FHOD3: variants seen among roughly 807,000 people sequenced by gnomAD.
FHOD3 encodes the protein formin homology 2 domain containing 3.
Under a neutral mutation model 173.0 loss-of-function variants are expected in FHOD3, and 90 were observed. The observed-to-expected ratio is 0.52, with a 90% confidence interval of 0.44 to 0.62. FHOD3 has a LOEUF of 0.62. FHOD3 is among the 20% of genes least tolerant of loss of function. The pLI, the probability that FHOD3 is intolerant of heterozygous loss-of-function variation, is 0.00. For synonymous variants in FHOD3, 828 were observed against 823.0 expected (o/e 1.01, Z -0.10); for missense variants, 1,945 against 2,034.7 (o/e 0.96, Z 0.85).
At chr18:36,650,321 A>C (rs2035964473) in intron 11 of FHOD3, among the ~76,000 whole-genome samples, 1 of 152,118 alleles carries the variant, frequency 6.6e-6, no homozygotes, top group African/African-American at 2.4e-5. Flanking sequence ...CTCATCTGCC[A>C]GGCTAGCAGT....
intron 20 of FHOD3, among the ~76,000 whole-genome samples, chr18:36,735,622 C>T (rs2041592426): frequency 6.6e-6 from 1 of 152,120 alleles, no homozygotes; most frequent in Non-Finnish European, 1.5e-5. Context: ...AAAGAAGATA[C>T]TATCAAGATG....
At chr18:36,345,432 T>A (rs1418935302) in intron 1 of FHOD3, among the ~76,000 whole-genome samples, 2 of 152,178 alleles carry the variant, frequency 1.3e-5, no homozygotes, top group Non-Finnish European at 2.9e-5. Context: ...AAAATTATAG[T>A]CTTTTTCATA....
chr18:36,479,782 G>T (rs1165686082), intron 3 of FHOD3, among the ~76,000 whole-genome samples: 2 of 152,084 alleles, frequency 1.3e-5, no homozygotes, highest in Non-Finnish European at 2.9e-5. Context: ...GTGTAAAATG[G>T]ACTGACGAGT....
At chr18:36,345,824 TA>T (rs1258886436) in intron 1 of FHOD3, among the ~76,000 whole-genome samples, 3 of 152,202 alleles carry the variant, frequency 2.0e-5, no homozygotes, top group African/African-American at 7.2e-5. Context: ...AATAGTTCTT[TA>T]AAAAGACATT....
intron 10 of FHOD3, among the ~76,000 whole-genome samples, chr18:36,646,578 A>G (rs1481702422): frequency 6.6e-6 from 1 of 152,252 alleles, no homozygotes; most frequent in Non-Finnish European, 1.5e-5. Flanking sequence ...TGTGAACAAG[A>G]TACTGAAGTG....
chr18:36,425,821 A>G (rs2050211208), intron 3 of FHOD3, among the ~76,000 whole-genome samples: 1 of 152,042 alleles, frequency 6.6e-6, no homozygotes, highest in Admixed American at 6.6e-5. Context: ...ATAGATATAT[A>G]TGTGTACATA....
intron 5 of FHOD3, among the ~76,000 whole-genome samples, chr18:36,550,196 T>C (rs1330671038): frequency 6.7e-6 from 1 of 148,754 alleles, no homozygotes; most frequent in Non-Finnish European, 1.5e-5. Flanking sequence ...TGTATATATA[T>C]GTATATATCA....
intron 5 of FHOD3, among the ~76,000 whole-genome samples, chr18:36,549,172 T>A (rs2057534755): frequency 1.3e-5 from 2 of 152,264 alleles, no homozygotes; most frequent in South Asian, 4.1e-4. Flanking sequence ...GCCTAATGAC[T>A]AATGATGTTG....
chr18:36,376,295 C>T (rs2047438401), intron 3 of FHOD3, among the ~76,000 whole-genome samples: 1 of 152,140 alleles, frequency 6.6e-6, no homozygotes, highest in Non-Finnish European at 1.5e-5. Context: ...TTTTGTTGGG[C>T]TAAAAACCCC....
intron 1 of FHOD3, among the ~76,000 whole-genome samples, chr18:36,341,100 G>T (rs1215210652): frequency 5.3e-5 from 8 of 152,060 alleles, no homozygotes; most frequent in Non-Finnish European, 1.2e-4. Flanking sequence ...GTCAATCTTA[G>T]GCAAGTTATT....
At chr18:36,555,191 A>G (rs1254843174) in intron 5 of FHOD3, among the ~76,000 whole-genome samples, 1 of 152,096 alleles carries the variant, frequency 6.6e-6, no homozygotes, top group Non-Finnish European at 1.5e-5. Flanking sequence ...CCTTCTAGGT[A>G]CTTCTCTTTA....
chr18:36,451,348 A>G (rs2051830908), intron 3 of FHOD3, among the ~76,000 whole-genome samples: 3 of 152,230 alleles, frequency 2.0e-5, no homozygotes, highest in African/African-American at 4.8e-5. Context: ...TGTGTTGTGT[A>G]TAGCCTTACG....
chr18:36,638,000 T>C (rs2035015167), intron 10 of FHOD3, among the ~76,000 whole-genome samples: 1 of 152,180 alleles, frequency 6.6e-6, no homozygotes, highest in South Asian at 2.1e-4. Flanking sequence ...ATATGTTTTT[T>C]TTAAAATCTA....
chr18:36,627,472 C>G (rs2034198138), intron 10 of FHOD3, among the ~76,000 whole-genome samples: 3 of 152,162 alleles, frequency 2.0e-5, no homozygotes, highest in African/African-American at 7.2e-5. Flanking sequence ...GCACGGTTCA[C>G]AGTCTTGAAG....
intron 3 of FHOD3, among the ~76,000 whole-genome samples, chr18:36,405,922 G>A (rs1376801754): frequency 6.6e-6 from 1 of 152,172 alleles, no homozygotes; most frequent in Non-Finnish European, 1.5e-5. Flanking sequence ...TTTGCCTGTG[G>A]GTTCCAGAAG....
At chr18:36,585,765 A>G (rs1358704872) in intron 6 of FHOD3, among the ~76,000 whole-genome samples, 2 of 152,238 alleles carry the variant, frequency 1.3e-5, no homozygotes, top group Non-Finnish European at 2.9e-5. Flanking sequence ...CTGCCCCTGT[A>G]GCCCAGGGCA....
Position 36,709,340 on chromosome 18 carries a change from A to T in FHOD3, c.2482A>T (p.Thr828Ser). ...SASSVSSSSS[T>S]LEREEKEDKL... is the part of the protein sequence containing the mutation. ...CTCCAGCGTCTCGTCCTCCAGCAGC[A>T]CGTTGGAGAGGGAGGAGAAGGAGGA... The change falls in exon 18 of 29, where the codon ACG (threonine) becomes TCG (serine). Residue 828 changes from threonine (T) to serine (S), a missense_variant. By Grantham distance (58) the Thr-to-Ser change is moderately conservative. Around this residue, in one of 5 missense-constraint regions of FHOD3, gnomAD observed 1,099 missense variants for 1,051.2 expected, o/e 1.05. Coordinates refer to ENST00000590592, the MANE Select transcript of FHOD3 (RefSeq NM_001281740.3). The T allele has an allele frequency of 6.2e-7, 1 of 1,614,244 alleles. No homozygotes were observed. Among genetic ancestry groups the T allele is most frequent in the South Asian group, 1.1e-5 (1 of 91,092 alleles).
chr18:36,507,485 TG>T (rs759426159), intron 4 of FHOD3, among the ~76,000 whole-genome samples: 16 of 152,336 alleles, frequency 1.1e-4, no homozygotes, highest in East Asian at 9.6e-4. Context: ...ATACTCAAAC[TG>T]TATAGAACTT....
chr18:36,743,048 C>T (rs996033634), intron 22 of FHOD3, among the ~76,000 whole-genome samples, 192 bp downstream of exon 22: 1 of 152,190 alleles, frequency 6.6e-6, no homozygotes, highest in South Asian at 2.1e-4. Context: ...CGGTGGCTCA[C>T]ACCTGTAATC....
Sources: gnomAD v4.1 joint callset for allele counts (sites outside exome capture counted in the v4.1 genomes callset) on GRCh38, gnomAD v4.1.1 for gene constraint, gnomAD v4.1.1 regional missense constraint, MANE v1.5 for transcripts, NCBI Gene and HGNC (gene_info 2026-07-23, HGNC 2026-07-21) for gene names.